Variants in L3MBTL4 observed in about 807,000 individuals in gnomAD.
L3MBTL4 encodes L3MBTL histone methyl-lysine binding protein 4.
L3MBTL4 carries 70 observed loss-of-function variants against 84.5 expected under a neutral mutation model. The observed-to-expected ratio is 0.83, with a 90% CI of 0.68 to 1.01. The LOEUF is 1.01. L3MBTL4 is among the 50% of genes least tolerant of loss of function. L3MBTL4 has a pLI of 0.00. For missense variants in L3MBTL4, 715 were observed against 754.8 expected, an observed-to-expected ratio of 0.95 and a Z score of 0.62; for synonymous variants, 274 against 259.8, an observed-to-expected ratio of 1.05 and a Z score of -0.52.
chr18:6,313,071 A>G (rs1481173692), intron 1 of L3MBTL4, among the ~76,000 whole-genome samples: 1 of 152,178 alleles, frequency 6.6e-6, no homozygotes, highest in East Asian at 1.9e-4. Context: ...TCTTTTCTAC[A>G]TTGCATTTCT....
At chr18:6,381,634 C>T (rs915933036) in intron 1 of L3MBTL4, among the ~76,000 whole-genome samples, 23 of 152,198 alleles carry the variant, frequency 1.5e-4, no homozygotes, top group African/African-American at 5.5e-4. Flanking sequence ...CAAAATTCTT[C>T]TCTTTAAGAA....
chr18:6,158,077 G>T (rs1017955371), intron 13 of L3MBTL4, among the ~76,000 whole-genome samples: 1 of 152,166 alleles, frequency 6.6e-6, no homozygotes, highest in Non-Finnish European at 1.5e-5. Context: ...CTCTACAGAT[G>T]CATGTTGGTT....
At chr18:6,097,455 C>G (rs1245340963) in intron 14 of L3MBTL4, among the ~76,000 whole-genome samples, 1 of 152,160 alleles carries the variant, frequency 6.6e-6, no homozygotes, top group Non-Finnish European at 1.5e-5. Context: ...CAACACTGAG[C>G]CCCTGAGGCT....
In L3MBTL4 at chr18:5,960,189, C is replaced by T. The variant is rs2144655323; in HGVS notation, c.1615-33G>A. 4 of 1,378,796 alleles carry T rather than the reference C, an allele frequency of 2.9e-6. No individual in the cohort carries two copies. In the South Asian group the frequency reaches 3.9e-5, roughly 13 times the overall value. 85.4% of individuals were successfully genotyped at this position (1,378,796 alleles called of 1,614,324 possible). ...GCGAGATGAAAAGCCTAATTTAATACATGCACCTGAAATAATTTGGGGGTT... is the reference window on the plus strand; with the variant it reads ...GCGAGATGAAAAGCCTAATTTAATATATGCACCTGAAATAATTTGGGGGTT... On this transcript the variant is annotated intron_variant, in intron 17 of 18. Coordinates refer to ENST00000317931, the MANE Select transcript of L3MBTL4 (RefSeq NM_001330559.2).
At chr18:6,080,409 A>G (rs1437361817) in intron 16 of L3MBTL4, among the ~76,000 whole-genome samples, 1 of 152,248 alleles carries the variant, frequency 6.6e-6, no homozygotes, top group East Asian at 1.9e-4. Context: ...AAAAGAACAC[A>G]TGCAATTCTT....
intron 1 of L3MBTL4, among the ~76,000 whole-genome samples, chr18:6,370,772 G>A (rs1432054385): frequency 6.6e-6 from 1 of 152,148 alleles, no homozygotes; most frequent in Admixed American, 6.5e-5. Context: ...GACAGGGACA[G>A]GGCTGAAGCA....
At chr18:6,071,296 C>T (rs1033599268) in intron 16 of L3MBTL4, among the ~76,000 whole-genome samples, 2 of 151,036 alleles carry the variant, frequency 1.3e-5, no homozygotes, top group Non-Finnish European at 2.9e-5. Flanking sequence ...GAGGCTGAGG[C>T]ATCAGAATCA....
chr18:6,093,285 T>A (rs2058518321), intron 15 of L3MBTL4, 70 bp downstream of exon 15: 1 of 1,192,400 alleles, frequency 8.4e-7, no homozygotes, highest in Non-Finnish European at 1.1e-6. Flanking sequence ...ACTATTACTA[T>A]TAACAAAATT....
At chr18:6,337,922 A>G (rs751238504) in intron 1 of L3MBTL4, among the ~76,000 whole-genome samples, 7 of 152,106 alleles carry the variant, frequency 4.6e-5, no homozygotes, top group African/African-American at 1.2e-4. Context: ...GGAATACATT[A>G]CTTTCAATGA....
intron 13 of L3MBTL4, among the ~76,000 whole-genome samples, chr18:6,145,590 T>C (rs1388520967): frequency 2.0e-5 from 3 of 151,976 alleles, no homozygotes; most frequent in Admixed American, 1.3e-4. Context: ...TAGCAAGTTT[T>C]TTTTTTTTTT....
chr18:6,329,548 A>C (rs1255698824), intron 1 of L3MBTL4, among the ~76,000 whole-genome samples: 1 of 152,176 alleles, frequency 6.6e-6, no homozygotes, highest in Admixed American at 6.5e-5. Context: ...AAACTGGGTA[A>C]TTTATAAAGA....
chr18:6,281,647 T>C (rs1226672934), intron 4 of L3MBTL4, among the ~76,000 whole-genome samples: 3 of 152,160 alleles, frequency 2.0e-5, no homozygotes, highest in African/African-American at 2.4e-5. Flanking sequence ...ATAAACAAAA[T>C]AGAATTTTCT....
chr18:6,019,308 G>C (rs963363419), intron 16 of L3MBTL4, among the ~76,000 whole-genome samples: 9 of 152,156 alleles, frequency 5.9e-5, no homozygotes, highest in Admixed American at 1.3e-4. Context: ...AATTCCCTAA[G>C]TTGTGGTAAA....
intron 3 of L3MBTL4, among the ~76,000 whole-genome samples, chr18:6,309,934 C>T (rs888040332): frequency 6.6e-5 from 10 of 152,164 alleles, no homozygotes; most frequent in South Asian, 6.2e-4. Flanking sequence ...CTAGCCACTT[C>T]CCTAGGACAA....
intron 1 of L3MBTL4, among the ~76,000 whole-genome samples, chr18:6,394,499 C>T (rs774012034): frequency 5.9e-5 from 9 of 151,790 alleles, no homozygotes; most frequent in East Asian, 1.9e-4. Context: ...TAAAAGAAAA[C>T]GATACATTAT....
rs559753486 is a variant in L3MBTL4 at position 6,188,986 on chromosome 18, A to G, written c.982-17044T>C. On this transcript the variant is annotated intron_variant, in intron 12 of 18. Transcript: ENST00000317931. Reference sequence around the variant, plus strand: ...CTAGGTCCACCATAACAAAATTACCACAAACTTGGTGTCTTCAAAAGACAG... The same window carrying G: ...CTAGGTCCACCATAACAAAATTACCGCAAACTTGGTGTCTTCAAAAGACAG... Among the ~76,000 whole-genome samples the G allele has an allele frequency of 4.6e-5, 7 of 152,334 alleles. No individual in the cohort carries two copies. The South Asian group carries it at 1.4e-3, about 32-fold the overall frequency.
chr18:6,341,405 G>A (rs560429358), intron 1 of L3MBTL4, among the ~76,000 whole-genome samples: 2 of 152,138 alleles, frequency 1.3e-5, no homozygotes, highest in South Asian at 4.2e-4. Flanking sequence ...ATGCATATGT[G>A]AAGTTAGAAT....
chr18:6,064,929 G>C (rs751638380), intron 16 of L3MBTL4, among the ~76,000 whole-genome samples: 2 of 152,000 alleles, frequency 1.3e-5, no homozygotes, highest in African/African-American at 4.8e-5. Context: ...TCTTGTTCCA[G>C]TTCTCAGGGG....
intron 5 of L3MBTL4, among the ~76,000 whole-genome samples, chr18:6,247,491 T>G (rs1195226669): frequency 2.9e-5 from 4 of 140,334 alleles, no homozygotes; most frequent in Non-Finnish European, 6.1e-5. Flanking sequence ...TTTTTTTTTT[T>G]TTTTTTAGAT....
Sources: gnomAD v4.1 joint callset for allele counts (sites outside exome capture counted in the v4.1 genomes callset) on GRCh38, gnomAD v4.1.1 for gene constraint, MANE v1.5 for transcripts, NCBI Gene and HGNC (gene_info 2026-07-23, HGNC 2026-07-21) for gene names.